P4HA1: variants seen among roughly 807,000 people sequenced by gnomAD.
P4HA1 encodes the protein prolyl 4-hydroxylase subunit alpha-1.
In P4HA1, 24 loss-of-function variants were observed where a neutral mutation model predicts 72.8. The observed-to-expected ratio is 0.33, with a 90% CI of 0.24 to 0.46. The LOEUF (loss-of-function observed/expected upper bound fraction) is 0.46, where lower values mean the gene tolerates loss of function less well. Among genes scored for constraint, P4HA1 ranks in the 20% least tolerant of loss-of-function variants. The probability of loss-of-function intolerance (pLI) is 1.00; values close to 1 mark genes in which losing one functional copy is unlikely to be tolerated. For synonymous variants in P4HA1, 201 were observed against 218.8 expected (o/e 0.92, Z 0.72); for missense variants, 446 against 640.6 (o/e 0.70, Z 3.28).
chr10:73,045,460 G>A (rs867825352), intron 8 of P4HA1, among the ~76,000 whole-genome samples: 4 of 151,960 alleles, frequency 2.6e-5, no homozygotes, highest in African/African-American at 4.8e-5. Context: ...CAAAACCTTT[G>A]ACTTTAATTT....
intron 5 of P4HA1, among the ~76,000 whole-genome samples, chr10:73,062,380 AAAT>A (rs1841331947): frequency 6.6e-6 from 1 of 152,208 alleles, no homozygotes; most frequent in Admixed American, 6.5e-5. Flanking sequence ...TATAAAAAAA[AAAT>A]GACAGGTATG....
At chr10:73,056,914 G>A (rs566107776) in intron 5 of P4HA1, among the ~76,000 whole-genome samples, 4 of 151,306 alleles carry the variant, frequency 2.6e-5, no homozygotes, top group South Asian at 2.1e-4. Context: ...CAAAAACTTC[G>A]CCGGGCGTGG....
intron 12 of P4HA1, among the ~76,000 whole-genome samples, chr10:73,013,710 A>G (rs935611172): frequency 9.9e-5 from 15 of 152,234 alleles, no homozygotes; most frequent in Non-Finnish European, 1.5e-5. Context: ...AATTATGATC[A>G]TACTGTTTTA....
At chr10:73,096,689 A>G in intron 1 of P4HA1, 77 bp downstream of exon 1, 1 of 153,620 alleles carries the variant, frequency 6.5e-6, no homozygotes. Context: ...GCGGGAAGGA[A>G]TGGATCGCCG....
chr10:73,064,890 G>A (rs1374761121), intron 5 of P4HA1, among the ~76,000 whole-genome samples: 1 of 151,384 alleles, frequency 6.6e-6, no homozygotes, highest in Non-Finnish European at 1.5e-5. Context: ...AACTGAGAGA[G>A]ACATCATCCG....
chr10:73,069,865 C>T (rs770338283), intron 4 of P4HA1, among the ~76,000 whole-genome samples: 3 of 148,892 alleles, frequency 2.0e-5, no homozygotes, highest in Non-Finnish European at 4.4e-5. Flanking sequence ...AGAGCAGTGG[C>T]AGTGGCATGA....
intron 12 of P4HA1, among the ~76,000 whole-genome samples, chr10:73,012,985 G>C (rs1839941317): frequency 6.6e-6 from 1 of 151,970 alleles, no homozygotes; most frequent in African/African-American, 2.4e-5. Context: ...TAGTGGAGAA[G>C]GGGTTTCACC....
At chr10:73,019,899 T>C (rs1840096141) in intron 10 of P4HA1, among the ~76,000 whole-genome samples, 1 of 151,858 alleles carries the variant, frequency 6.6e-6, no homozygotes, top group Non-Finnish European at 1.5e-5. Context: ...AAAGAGAGCC[T>C]ACAAGACTTC....
intron 1 of P4HA1, among the ~76,000 whole-genome samples, chr10:73,076,363 T>C (rs1230438047): frequency 6.6e-6 from 1 of 151,250 alleles, no homozygotes; most frequent in South Asian, 2.1e-4. Context: ...TGTGCCTGTT[T>C]TTTTTTTTTT....
At chr10:73,027,047 T>G (rs1163695070) in intron 10 of P4HA1, among the ~76,000 whole-genome samples, 2 of 152,236 alleles carry the variant, frequency 1.3e-5, no homozygotes, top group Non-Finnish European at 2.9e-5. Context: ...TGGTGATTTC[T>G]CAAGGATCCA....
intron 9 of P4HA1, among the ~76,000 whole-genome samples, chr10:73,041,086 T>C (rs2133080926): frequency 6.6e-6 from 1 of 152,294 alleles, no homozygotes; most frequent in South Asian, 2.1e-4. Context: ...TTAAGGATAA[T>C]TGCTCCTGTG....
At chr10:73,025,913 A>G (rs200990066) in intron 10 of P4HA1, among the ~76,000 whole-genome samples, 19 of 152,234 alleles carry the variant, frequency 1.2e-4, no homozygotes, top group East Asian at 1.2e-3. Context: ...GGATGTGAAG[A>G]ACCTCTTCAA....
chr10:73,059,874 G>A (rs1415310155), intron 5 of P4HA1, among the ~76,000 whole-genome samples: 1 of 152,174 alleles, frequency 6.6e-6, no homozygotes, highest in African/African-American at 2.4e-5. Flanking sequence ...GAGCCCAGGA[G>A]TTCAAGGCTG....
At chr10:73,026,303 A>G (rs1194491759) in intron 10 of P4HA1, among the ~76,000 whole-genome samples, 1 of 152,192 alleles carries the variant, frequency 6.6e-6, no homozygotes, top group Non-Finnish European at 1.5e-5. Context: ...ATAACAACAC[A>G]CATCTACAAC....
intron 10 of P4HA1, among the ~76,000 whole-genome samples, chr10:73,020,669 A>C (rs1358394088): frequency 6.6e-6 from 1 of 152,188 alleles, no homozygotes; most frequent in Non-Finnish European, 1.5e-5. Context: ...CAAAATACTC[A>C]AAAAAATACT....
rs1159925983 is a variant in P4HA1 at position 73,037,288 on chromosome 10, T to C, written c.1149-6918A>G. ...AGTAACATTTCTATGCTTTTTTCCT[T>C]TCTACTGAGTTTCCGCTGTTAAAAA... is the stretch of plus-strand genomic sequence containing the variant. On this transcript the variant is annotated intron_variant, in intron 9 of 14. Transcript: ENST00000394890. Among the ~76,000 whole-genome samples, 16 of 149,644 alleles carry C rather than the reference T, an allele frequency of 1.1e-4. No individual in the cohort carries two copies. The East Asian group carries it at 3.1e-3, about 29-fold the overall frequency.
Position 73,053,562 on chromosome 10 carries a change from A to G in P4HA1, c.492T>C (p.Ala164=), listed in dbSNP as rs201725053. ...CTTTGCCCAACTCAAAGCAGTCCTC[A>G]GCCGTTAGAAAAGATTTGTGTTTCA... ...PGVKHKSFLT[A]EDCFELGKVA... The change falls in exon 6 of 15, where the codon GCT becomes GCC. Residue 164 remains alanine (A), a synonymous_variant. Coordinates refer to ENST00000394890, the MANE Select transcript of P4HA1 (RefSeq NM_001017962.3). 12 of 1,613,842 alleles carry G rather than the reference A, an allele frequency of 7.4e-6. No homozygotes were observed. In the Admixed American group the frequency reaches 8.3e-5, roughly 11 times the overall value.
At chr10:73,092,955 C>CA (rs1842066916) in intron 1 of P4HA1, among the ~76,000 whole-genome samples, 1 of 151,236 alleles carries the variant, frequency 6.6e-6, no homozygotes, top group Admixed American at 6.6e-5. Context: ...CCCATCTCTA[C>CA]AAAAAATTAA....
At chr10:73,008,739 T>C (rs1390105194) in intron 14 of P4HA1, among the ~76,000 whole-genome samples, 1 of 152,138 alleles carries the variant, frequency 6.6e-6, no homozygotes, top group African/African-American at 2.4e-5. Context: ...TTATCAACCA[T>C]TGCTATTGTA....
Sources: allele counts gnomAD v4.1 joint callset (sites outside exome capture counted in the v4.1 genomes callset), GRCh38; gene constraint gnomAD v4.1.1; transcripts MANE v1.5; gene names NCBI Gene and HGNC (gene_info 2026-07-23, HGNC 2026-07-21).